DLG2: variants seen among roughly 807,000 people sequenced by gnomAD.
DLG2 encodes the protein discs large MAGUK scaffold protein 2, also known as disks large homolog 2.
DLG2 carries 45 observed loss-of-function variants against 132.5 expected under a neutral mutation model. The ratio of observed to expected loss-of-function variants is 0.34; its 90% confidence interval spans 0.27 to 0.44. DLG2 has a LOEUF of 0.44. DLG2 is among the 20% of genes least tolerant of loss of function. The pLI is 1.00. For missense variants in DLG2, 1,045 were observed against 1,196.9 expected, an observed-to-expected ratio of 0.87 and a Z score of 1.87; for synonymous variants, 424 against 419.6, an observed-to-expected ratio of 1.01 and a Z score of -0.13.
At chr11:85,437,980 G>A (rs1446951729) in intron 3 of DLG2, among the ~76,000 whole-genome samples, 1 of 152,120 alleles carries the variant, frequency 6.6e-6, no homozygotes, top group East Asian at 1.9e-4. Context: ...AAGAATAAAG[G>A]TTTATTTGAC....
At chr11:84,194,479 G>T (rs924682235) in intron 8 of DLG2, among the ~76,000 whole-genome samples, 5 of 152,180 alleles carry the variant, frequency 3.3e-5, no homozygotes, top group Non-Finnish European at 7.3e-5. Context: ...TGCAAACAGT[G>T]AAAGAACAAA....
intron 3 of DLG2, among the ~76,000 whole-genome samples, chr11:85,569,573 G>T (rs1176852014): frequency 6.6e-6 from 1 of 152,038 alleles, no homozygotes; most frequent in African/African-American, 2.4e-5. Context: ...CATTGTGGTT[G>T]AAGAGCACAC....
intron 3 of DLG2, among the ~76,000 whole-genome samples, chr11:85,538,820 A>G (rs1322534942): frequency 1.3e-5 from 2 of 151,712 alleles, no homozygotes; most frequent in East Asian, 1.9e-4. Context: ...GAGGGAAACA[A>G]TGCACACTGG....
chr11:83,822,908 A>G (rs2051259306), intron 17 of DLG2, among the ~76,000 whole-genome samples: 1 of 152,116 alleles, frequency 6.6e-6, no homozygotes, highest in Non-Finnish European at 1.5e-5. Context: ...GGAGCTTGTC[A>G]TGAAAGAAGG....
chr11:83,478,255 G>T (rs886711463), intron 22 of DLG2, among the ~76,000 whole-genome samples: 3 of 152,006 alleles, frequency 2.0e-5, no homozygotes, highest in African/African-American at 7.2e-5. Context: ...TCTGAGCTGT[G>T]ATAAAGACTC....
chr11:83,663,592 T>C (rs1468369434), intron 18 of DLG2, among the ~76,000 whole-genome samples: 1 of 152,222 alleles, frequency 6.6e-6, no homozygotes, highest in Admixed American at 6.5e-5. Flanking sequence ...AAGTATTAAC[T>C]GAATGAATAA....
At chr11:84,370,815 GAAAGGAACC>G in intron 7 of DLG2, among the ~76,000 whole-genome samples, 1 of 152,106 alleles carries the variant, frequency 6.6e-6, no homozygotes, top group Non-Finnish European at 1.5e-5. Flanking sequence ...GAGCCAGACT[GAAAGGAACC>G]AAAGTTCAAA....
At chr11:85,476,574 C>A (rs1301514424) in intron 3 of DLG2, among the ~76,000 whole-genome samples, 2 of 151,968 alleles carry the variant, frequency 1.3e-5, no homozygotes, top group Non-Finnish European at 2.9e-5. Context: ...AAAATCTTTT[C>A]TTTCTTTATA....
intron 18 of DLG2, among the ~76,000 whole-genome samples, chr11:83,705,570 TAATA>T (rs1481020735): frequency 5.9e-5 from 9 of 152,316 alleles, no homozygotes; most frequent in Middle Eastern, 3.4e-3. Flanking sequence ...AAGTAGTTCT[TAATA>T]AATAAACTTC....
intron 7 of DLG2, among the ~76,000 whole-genome samples, chr11:84,251,989 C>T (rs145319671): frequency 3.8e-4 from 58 of 152,088 alleles, no homozygotes; most frequent in African/African-American, 1.3e-3. Context: ...ATTTCTCTCT[C>T]AAGGAAGCAA....
At chr11:83,515,951 G>T (rs1432733229) in intron 21 of DLG2, among the ~76,000 whole-genome samples, 1 of 152,124 alleles carries the variant, frequency 6.6e-6, no homozygotes, top group Non-Finnish European at 1.5e-5. Flanking sequence ...CCAACTGTGT[G>T]GTCAATTTTG....
chr11:84,248,112 C>G (rs17147084), intron 8 of DLG2, among the ~76,000 whole-genome samples: 6,288 of 152,172 alleles, frequency 0.041, 137 homozygotes, highest in South Asian at 0.084. Context: ...GTGAAAGGAA[C>G]AGTAATTTGT....
intron 7 of DLG2, among the ~76,000 whole-genome samples, chr11:84,514,627 T>C (rs1219447057): frequency 6.6e-6 from 1 of 150,888 alleles, no homozygotes; most frequent in Non-Finnish European, 1.5e-5. Flanking sequence ...ATTTAGGGAG[T>C]AGGAGAATGA....
intron 3 of DLG2, among the ~76,000 whole-genome samples, chr11:85,473,129 A>G (rs1389364589): frequency 3.9e-5 from 6 of 152,232 alleles, no homozygotes; most frequent in African/African-American, 1.4e-4. Context: ...TGGCACCTGA[A>G]GCCGCCTGCC....
At chr11:84,465,517 C>A (rs555284431) in intron 7 of DLG2, among the ~76,000 whole-genome samples, 1 of 151,286 alleles carries the variant, frequency 6.6e-6, no homozygotes, top group Non-Finnish European at 1.5e-5. Flanking sequence ...CATCCTCAAG[C>A]TTCATTATGG....
intron 3 of DLG2, among the ~76,000 whole-genome samples, chr11:85,412,725 T>TCA (rs542505541): frequency 0.1 from 9,557 of 91,996 alleles, 506 homozygotes; most frequent in African/African-American, 0.12. Context: ...GAGCAGTATT[T>TCA]CACACACACA....
At chr11:85,176,992 T>C (rs1423047803) in intron 4 of DLG2, among the ~76,000 whole-genome samples, 2 of 152,070 alleles carry the variant, frequency 1.3e-5, no homozygotes, top group African/African-American at 4.8e-5. Context: ...AAAGGGATAC[T>C]TTACACTGTG....
intron 7 of DLG2, among the ~76,000 whole-genome samples, chr11:84,326,206 A>AT (rs927338374): frequency 6.6e-6 from 1 of 151,788 alleles, no homozygotes; most frequent in African/African-American, 2.4e-5. Flanking sequence ...AGTTTCAATG[A>AT]TTTTTTTCTT....
In DLG2 at chr11:83,895,145, C is replaced by CT. The variant is rs11287512; in HGVS notation, c.1497-20658dup. On this transcript the variant is annotated intron_variant, in intron 15 of 27. Transcript: ENST00000376104. ...ACATCATATTACTAAGAACTACTGT[C>CT]TTTTTTTTTTTTTTTTTTTTTTGGA... 5.0e-3 allele frequency among the ~76,000 whole-genome samples: 442 copies of CT among 87,902 alleles called. 3 individuals are homozygous for CT. Among genetic ancestry groups the CT allele is most frequent in the Middle Eastern group, 0.014 (2 of 144 alleles). 57.7% of individuals were successfully genotyped at this position (87,902 alleles called of 152,430 possible).
Sources: allele counts gnomAD v4.1 joint callset (sites outside exome capture counted in the v4.1 genomes callset), GRCh38; gene constraint gnomAD v4.1.1; transcripts MANE v1.5; gene names NCBI Gene and HGNC (gene_info 2026-07-23, HGNC 2026-07-21).